ZNF804A: variants seen among roughly 807,000 people sequenced by gnomAD.
ZNF804A encodes zinc finger protein 804A.
In ZNF804A, 2 loss-of-function variants were observed where a neutral mutation model predicts 16.5. The observed-to-expected ratio is 0.12, with a 90% CI of 0.05 to 0.38. ZNF804A has a LOEUF of 0.38. Among genes scored for constraint, ZNF804A ranks in the 10% least tolerant of loss-of-function variants. ZNF804A has a pLI of 0.99. For synonymous variants in ZNF804A, 534 were observed against 489.6 expected, an observed-to-expected ratio of 1.09 and a Z score of -1.20; for missense variants, 1,473 against 1,390.7, an observed-to-expected ratio of 1.06 and a Z score of -0.94.
At chr2:184,755,370 T>C (rs1198844507) in intron 1 of ZNF804A, among the ~76,000 whole-genome samples, 1 of 151,978 alleles carries the variant, frequency 6.6e-6, no homozygotes, top group Non-Finnish European at 1.5e-5. Context: ...TCTAGTCTTC[T>C]CAATAGTTCA....
At chr2:184,798,720 A>T (rs994114297) in intron 1 of ZNF804A, among the ~76,000 whole-genome samples, 1 of 151,888 alleles carries the variant, frequency 6.6e-6, no homozygotes, top group Non-Finnish European at 1.5e-5. Context: ...AACCTCCTGA[A>T]TTCTTTCTCA....
At chr2:184,783,140 T>TG (rs1251050112) in intron 1 of ZNF804A, among the ~76,000 whole-genome samples, 4 of 121,686 alleles carry the variant, frequency 3.3e-5, no homozygotes, top group East Asian at 2.1e-4. Context: ...AAGAGTGAGT[T>TG]TTTTTTTTTT....
At chr2:184,693,075 TAAAG>T (rs1166409262) in intron 1 of ZNF804A, among the ~76,000 whole-genome samples, 1 of 152,132 alleles carries the variant, frequency 6.6e-6, no homozygotes, top group Non-Finnish European at 1.5e-5. Context: ...CATATAAAAT[TAAAG>T]AAGGAAGTGC....
intron 1 of ZNF804A, among the ~76,000 whole-genome samples, chr2:184,670,868 T>G (rs1015696343): frequency 2.0e-4 from 31 of 152,256 alleles, no homozygotes; most frequent in African/African-American, 6.5e-4. Context: ...TGTCTATGTG[T>G]GCATTTGCCC....
intron 1 of ZNF804A, among the ~76,000 whole-genome samples, chr2:184,789,066 G>T (rs980377402): frequency 6.6e-6 from 1 of 151,950 alleles, no homozygotes; most frequent in Admixed American, 6.6e-5. Context: ...GGATGTTATC[G>T]AATGGTTTTT....
intron 1 of ZNF804A, among the ~76,000 whole-genome samples, chr2:184,607,936 CT>C (rs34262998): frequency 3.0e-5 from 2 of 65,654 alleles, no homozygotes; most frequent in African/African-American, 6.6e-5. Flanking sequence ...TGATGCATCT[CT>C]TTTTTTTTTT....
intron 1 of ZNF804A, among the ~76,000 whole-genome samples, chr2:184,851,337 C>T (rs2105804192): frequency 6.6e-6 from 1 of 151,952 alleles, no homozygotes; most frequent in East Asian, 1.9e-4. Flanking sequence ...TCTCTCCATA[C>T]CCTCAACCCC....
At chr2:184,836,260 T>G (rs1695344162) in intron 1 of ZNF804A, among the ~76,000 whole-genome samples, 1 of 152,122 alleles carries the variant, frequency 6.6e-6, no homozygotes, top group African/African-American at 2.4e-5. Flanking sequence ...GCAGGGCCTG[T>G]TCTTTGTTTG....
chr2:184,723,688 A>G (rs764655736), intron 1 of ZNF804A, among the ~76,000 whole-genome samples: 14 of 151,654 alleles, frequency 9.2e-5, no homozygotes, highest in Non-Finnish European at 1.6e-4. Context: ...CTTTCAGTCT[A>G]TATATTGGTC....
chr2:184,812,069 G>A (rs1223463201), intron 1 of ZNF804A, among the ~76,000 whole-genome samples: 6 of 152,180 alleles, frequency 3.9e-5, no homozygotes, highest in African/African-American at 1.4e-4. Context: ...CTGAATTCCA[G>A]CAGTGCTATT....
intron 1 of ZNF804A, among the ~76,000 whole-genome samples, chr2:184,633,242 A>G (rs12990519): frequency 0.025 from 3,777 of 152,244 alleles, 76 homozygotes; most frequent in Middle Eastern, 0.044. Flanking sequence ...ATTCTACTTT[A>G]TGTAGTCAGA....
At chr2:184,818,121 T>C (rs976584335) in intron 1 of ZNF804A, among the ~76,000 whole-genome samples, 2 of 151,658 alleles carry the variant, frequency 1.3e-5, no homozygotes, top group African/African-American at 2.4e-5. Flanking sequence ...TTCTCTAACA[T>C]TGAAATTAAA....
At chr2:184,760,604 T>C (rs971827114) in intron 1 of ZNF804A, among the ~76,000 whole-genome samples, 9 of 152,232 alleles carry the variant, frequency 5.9e-5, no homozygotes, top group African/African-American at 2.2e-4. Context: ...TATTTCACCA[T>C]GACAAAGGTA....
intron 2 of ZNF804A, among the ~76,000 whole-genome samples, chr2:184,872,056 A>C (rs1574250420): frequency 6.6e-6 from 1 of 152,234 alleles, no homozygotes; most frequent in East Asian, 1.9e-4. Context: ...TTATTAAAGG[A>C]AACTAAGATG....
intron 1 of ZNF804A, among the ~76,000 whole-genome samples, chr2:184,850,806 A>G (rs1695590196): frequency 6.6e-6 from 1 of 151,744 alleles, no homozygotes. Flanking sequence ...ACAGTTCCCA[A>G]TCTATTTATA....
At chr2:184,600,977 A>G (rs1691034911) in intron 1 of ZNF804A, among the ~76,000 whole-genome samples, 1 of 152,184 alleles carries the variant, frequency 6.6e-6, no homozygotes, top group African/African-American at 2.4e-5. Flanking sequence ...AGAACAAACA[A>G]GGATAAAATG....
intron 1 of ZNF804A, among the ~76,000 whole-genome samples, chr2:184,842,201 A>G (rs1309893079): frequency 1.3e-5 from 2 of 152,168 alleles, no homozygotes; most frequent in African/African-American, 4.8e-5. Context: ...CTGTGCTAAC[A>G]ATGTGTCAAG....
intron 1 of ZNF804A, among the ~76,000 whole-genome samples, chr2:184,742,822 A>G (rs949553573): frequency 4.0e-5 from 6 of 151,722 alleles, no homozygotes; most frequent in Non-Finnish European, 8.8e-5. Context: ...ATATAACTAT[A>G]TTATATAGCT....
intron 1 of ZNF804A, among the ~76,000 whole-genome samples, chr2:184,703,709 A>AAAAAG (rs1559130457): frequency 1.2e-4 from 16 of 131,476 alleles, no homozygotes; most frequent in East Asian, 2.3e-4. Context: ...AAAAAAAAAA[A>AAAAAG]AAAGAAAGAA....
Sources: allele counts gnomAD v4.1 joint callset (sites outside exome capture counted in the v4.1 genomes callset), GRCh38; gene constraint gnomAD v4.1.1; transcripts MANE v1.5; gene names NCBI Gene and HGNC (gene_info 2026-07-23, HGNC 2026-07-21).